DYNC2H1: variants seen among roughly 807,000 people sequenced by gnomAD.
DYNC2H1 encodes the protein dynein cytoplasmic 2 heavy chain 1, also known as cytoplasmic dynein 2 heavy chain 1.
Under a neutral mutation model 570.0 loss-of-function variants are expected in DYNC2H1, and 410 were observed. That is an observed-to-expected ratio of 0.72 (90% confidence interval 0.66 to 0.78). The LOEUF (loss-of-function observed/expected upper bound fraction) is 0.78. Ranked by LOEUF, DYNC2H1 falls within the 30% of genes least tolerant of loss-of-function variation. DYNC2H1 has a pLI of 0.00. For synonymous variants in DYNC2H1, 1,688 were observed against 1,677.6 expected (o/e 1.01, Z -0.15); for missense variants, 4,865 against 5,046.4 (o/e 0.96, Z 1.09).
chr11:103,387,775 CTTGT>C (rs1309694254), intron 83 of DYNC2H1, among the ~76,000 whole-genome samples: 1 of 152,150 alleles, frequency 6.6e-6, no homozygotes, highest in Non-Finnish European at 1.5e-5. Context: ...TTCCCCATTT[CTTGT>C]TTTTGTCACG....
intron 83 of DYNC2H1, among the ~76,000 whole-genome samples, chr11:103,396,702 T>G (rs1409060847): frequency 2.0e-5 from 3 of 152,174 alleles, no homozygotes; most frequent in East Asian, 1.9e-4. Flanking sequence ...TTAGACAAAT[T>G]TTTCTTGCCT....
chr11:103,395,609 G>A lies in DYNC2H1; in HGVS notation c.12157-4054G>A, dbSNP rs933815178. ...CTAATTTATGATCCCTCAGGTTCAA[G>A]TCTAGTAGAAAGAAACAGTTACCTA... On this transcript the variant is annotated intron_variant, in intron 83 of 88. Coordinates refer to ENST00000375735, the MANE Select transcript of DYNC2H1 (RefSeq NM_001377.3). The surrounding 1 kb of genome is among the most constrained non-coding windows in gnomAD (Gnocchi z 4.3). Among the ~76,000 whole-genome samples, 2 of 152,036 alleles carry A rather than the reference G, an allele frequency of 1.3e-5. No homozygotes were observed. Among genetic ancestry groups the A allele is most frequent in the African/African-American group, 4.8e-5 (2 of 41,376 alleles).
chr11:103,341,140 A>C (rs4754066), intron 82 of DYNC2H1, among the ~76,000 whole-genome samples: 32,954 of 152,058 alleles, frequency 0.22, 3,704 homozygotes, highest in Admixed American at 0.31. Context: ...ATTTAACTGT[A>C]GCACCCAGCT....
In DYNC2H1 at chr11:103,170,422, G is replaced by T; in HGVS notation, c.5151+132G>T. 1 of 987,262 alleles carries T rather than the reference G, an allele frequency of 1.0e-6. No homozygotes were observed. Among genetic ancestry groups the T allele is most frequent in the Non-Finnish European group, 1.4e-6 (1 of 712,058 alleles). The allele number at this position is 987,262 out of a possible 1,614,324, so 61.2% of individuals were successfully genotyped here. A position where few individuals can be genotyped will look rare whatever the true frequency, so the allele number is the denominator to read the frequency against. On this transcript the variant is annotated intron_variant, in intron 33 of 88. Coordinates refer to ENST00000375735, the MANE Select transcript of DYNC2H1 (RefSeq NM_001377.3). The surrounding 1 kb of genome is among the most constrained non-coding windows in gnomAD (Gnocchi z 4.8). ...GTTGAAGACAGAATTTGTTTAAATTGAAATGTAAAATGGACAGAGGTTGTA... is the reference window on the plus strand; with the variant it reads ...GTTGAAGACAGAATTTGTTTAAATTTAAATGTAAAATGGACAGAGGTTGTA...
intron 83 of DYNC2H1, among the ~76,000 whole-genome samples, chr11:103,397,038 A>G (rs7108325): frequency 0.51 from 77,702 of 151,976 alleles, 20,176 homozygotes; most frequent in African/African-American, 0.62. Flanking sequence ...CATAGGTGAT[A>G]AGTACTTTAA....
chr11:103,390,122 G>C (rs1942074188), intron 83 of DYNC2H1, among the ~76,000 whole-genome samples: 1 of 152,130 alleles, frequency 6.6e-6, no homozygotes, highest in Non-Finnish European at 1.5e-5. Flanking sequence ...TTATTATTGT[G>C]TGGGAGTCTA....
chr11:103,315,851 A>G (rs1458208508), intron 79 of DYNC2H1, among the ~76,000 whole-genome samples: 2 of 152,072 alleles, frequency 1.3e-5, no homozygotes, highest in African/African-American at 4.8e-5. Context: ...AGCCTGACAT[A>G]TAATACATAT....
chr11:103,234,454 T>C, intron 61 of DYNC2H1, among the ~76,000 whole-genome samples: 1 of 151,968 alleles, frequency 6.6e-6, no homozygotes, highest in Non-Finnish European at 1.5e-5. Context: ...TTTCTTTGAA[T>C]TTACCTTCAC....
chr11:103,253,418 T>C lies in DYNC2H1; in HGVS notation c.10176T>C (p.Phe3392=), dbSNP rs367547854. ...CTTCCATTGTTACTGAGGTTAACTTTACTACAACAAGAAGTGGATTACGAG... is the reference window on the plus strand; with the variant it reads ...CTTCCATTGTTACTGAGGTTAACTTCACTACAACAAGAAGTGGATTACGAG... ...DAASIVTEVN[F]TTTRSGLRGQ... The change falls in exon 66 of 89, where the codon TTT becomes TTC. Residue 3392 remains phenylalanine (F), a synonymous_variant. Transcript: ENST00000375735. The C allele has an allele frequency of 7.4e-6, 12 of 1,613,086 alleles. No individual in the cohort carries two copies. Among genetic ancestry groups the C allele is most frequent in the Non-Finnish European group, 1.0e-5 (12 of 1,179,406 alleles).
intron 55 of DYNC2H1, among the ~76,000 whole-genome samples, chr11:103,219,025 A>G (rs753002256): frequency 5.3e-4 from 81 of 152,202 alleles, no homozygotes; most frequent in Non-Finnish European, 1.1e-3. Context: ...GAGGTTAATA[A>G]AAGAAGGAAT....
At chr11:103,240,259 A>G (rs939777558) in intron 63 of DYNC2H1, among the ~76,000 whole-genome samples, 8 of 152,100 alleles carry the variant, frequency 5.3e-5, no homozygotes, top group African/African-American at 1.7e-4. Context: ...GTTTACCATT[A>G]TTAGAGTTTA....
chr11:103,285,078 G>A (rs528553828), intron 73 of DYNC2H1, among the ~76,000 whole-genome samples: 86 of 152,272 alleles, frequency 5.6e-4, no homozygotes, highest in Admixed American at 2.1e-3. Context: ...TAAACAAATA[G>A]GGTTTAGAAA....
Position 103,256,337 on chromosome 11 carries a change from G to T in DYNC2H1, c.10461+97G>T. ...AGAATCAGGTCCTCAGGGGAAAGAT[G>T]ATGTGAAAAGAAAAAAGCTATTCAA... is the stretch of plus-strand genomic sequence containing the variant. On this transcript the variant is annotated intron_variant, in intron 68 of 88. Coordinates refer to ENST00000375735, the MANE Select transcript of DYNC2H1 (RefSeq NM_001377.3). This position sits in a 1 kb window ranked among gnomAD's most constrained non-coding sequence, Gnocchi z 4.0. 6 of 1,211,858 alleles carry T rather than the reference G, an allele frequency of 5.0e-6. No homozygotes were observed. Among genetic ancestry groups the T allele is most frequent in the Non-Finnish European group, 6.8e-6 (6 of 880,878 alleles). The allele number at this position is 1,211,858 out of a possible 1,614,324, so 75.1% of individuals were successfully genotyped here.
intron 70 of DYNC2H1, among the ~76,000 whole-genome samples, chr11:103,260,264 T>C (rs1459936562): frequency 6.6e-6 from 1 of 152,192 alleles, no homozygotes; most frequent in Non-Finnish European, 1.5e-5. Context: ...TATCTCATTA[T>C]ATAGCTAGAC....
At chr11:103,223,955 C>T (rs1003942678) in intron 59 of DYNC2H1, among the ~76,000 whole-genome samples, 1 of 151,270 alleles carries the variant, frequency 6.6e-6, no homozygotes, top group African/African-American at 2.4e-5. Flanking sequence ...ACCATGTTGG[C>T]GAAGATGATC....
chr11:103,188,392 T>G lies in DYNC2H1; in HGVS notation c.7141-105T>G, dbSNP rs576678624. 9.4e-4 allele frequency: 750 copies of G among 800,614 alleles called. 6 individuals carry two copies. In the African/African-American group the frequency reaches 0.011, roughly 12 times the overall value. The allele number at this position is 800,614 out of a possible 1,614,324, so 49.6% of individuals were successfully genotyped here. ...ATCTAAAATTCTTGAGTTAGATAGATGATGATTGCATTTAGAAATAATTGA... is the reference window on the plus strand; with the variant it reads ...ATCTAAAATTCTTGAGTTAGATAGAGGATGATTGCATTTAGAAATAATTGA... On this transcript the variant is annotated intron_variant, in intron 43 of 88. Coordinates refer to ENST00000375735, the MANE Select transcript of DYNC2H1 (RefSeq NM_001377.3).
chr11:103,242,019 C>G (rs937259075), intron 63 of DYNC2H1, among the ~76,000 whole-genome samples: 1 of 152,028 alleles, frequency 6.6e-6, no homozygotes, highest in Admixed American at 6.6e-5. Flanking sequence ...ACTGAGATAA[C>G]CTGTATGTTC....
chr11:103,370,449 T>C (rs1941099442), intron 83 of DYNC2H1, among the ~76,000 whole-genome samples: 1 of 152,134 alleles, frequency 6.6e-6, no homozygotes, highest in Non-Finnish European at 1.5e-5. Flanking sequence ...ACCTGCTGAT[T>C]GTAAAACCCC....
intron 84 of DYNC2H1, 54 bp downstream of exon 84, chr11:103,399,926 C>G: frequency 1.4e-6 from 2 of 1,397,990 alleles, no homozygotes; most frequent in South Asian, 2.5e-5. Context: ...AGTGACTCCT[C>G]CATCACACAT....
Sources: allele counts gnomAD v4.1 joint callset (sites outside exome capture counted in the v4.1 genomes callset), GRCh38; gene constraint gnomAD v4.1.1; non-coding constraint Gnocchi (gnomAD v3.1); transcripts MANE v1.5; gene names NCBI Gene and HGNC (gene_info 2026-07-23, HGNC 2026-07-21).